The following PAK4 variants were observed in gnomAD, a reference collection of about 807,000 sequenced individuals.
The protein encoded by PAK4 is p21 (RAC1) activated kinase 4.
In PAK4, 49 loss-of-function variants were observed where a neutral mutation model predicts 53.5. The ratio of observed to expected loss-of-function variants is 0.92; its 90% CI spans 0.73 to 1.16. PAK4 has a LOEUF of 1.16. Among genes scored for constraint, PAK4 ranks in the 50% most tolerant of loss-of-function variants. PAK4 has a pLI of 0.00. For synonymous variants in PAK4, 376 were observed against 375.6 expected (o/e 1.00, Z -0.01); for missense variants, 824 against 850.7 (o/e 0.97, Z 0.39).
chr19:39,173,381 C>G lies in PAK4; in HGVS notation c.663+5C>G. 6.6e-7 allele frequency: 1 copy of G among 1,517,822 alleles called. No homozygotes were observed. The highest frequency in any genetic ancestry group is 1.4e-5 in the African/African-American group (1 of 72,146). The allele number at this position is 1,517,822 out of a possible 1,614,324, so 94.0% of individuals were successfully genotyped here. On this transcript the variant is annotated splice_donor_5th_base_variant and intron_variant, in intron 3 of 8. Transcript: ENST00000358301. This position sits in a 1 kb window ranked among gnomAD's most constrained non-coding sequence, Gnocchi z 6.9. ...CACCCATCCCGGGGTGCCCAGGTAA[C>G]CCATCCCCCGCCCCAGGGCCCCCAC...
At chr19:39,172,059 A>T (rs902167856) in intron 2 of PAK4, among the ~76,000 whole-genome samples, 1 of 152,062 alleles carries the variant, frequency 6.6e-6, no homozygotes, top group Non-Finnish European at 1.5e-5. Context: ...GGGGCCGGGG[A>T]GGGCAGGGGC....
At chr19:39,180,330 A>T (rs2074687396), downstream of PAK4, 1 of 152,326 alleles carries the variant, frequency 6.6e-6, no homozygotes, top group Admixed American at 6.5e-5. Context: ...AAAAAAAAAA[A>T]TGCTAACATT....
At chr19:39,176,747 G>A (rs747368429) in intron 7 of PAK4, 32 bp downstream of exon 8, 57 of 1,601,316 alleles carry the variant, frequency 3.6e-5, no homozygotes, top group Non-Finnish European at 4.5e-5. Flanking sequence ...TTGTCCCGCC[G>A]TGGACAGCGT....
chr19:39,136,946 GA>G (rs1209296039), intron 1 of PAK4, among the ~76,000 whole-genome samples: 1 of 152,204 alleles, frequency 6.6e-6, no homozygotes, highest in African/African-American at 2.4e-5. Context: ...CCCGGCGGGG[GA>G]GTGCAGGGGG....
intron 1 of PAK4, among the ~76,000 whole-genome samples, chr19:39,148,011 G>T (rs1159193449): frequency 1.3e-5 from 2 of 148,154 alleles, no homozygotes; most frequent in African/African-American, 5.0e-5. Flanking sequence ...GAGTACAGTG[G>T]TGTGATCTCG....
In PAK4 at chr19:39,173,019, A is replaced by G. The variant is rs1399043213; in HGVS notation, c.306A>G (p.Arg102=). The G allele has an allele frequency of 2.6e-6, 4 of 1,549,292 alleles. No individual in the cohort carries two copies. Among genetic ancestry groups the G allele is most frequent in the Admixed American group, 2.0e-5 (1 of 50,992 alleles). The change falls in exon 3 of 9, where the codon AGA becomes AGG. Residue 102 remains arginine, a synonymous_variant. Transcript: ENST00000358301. The surrounding 1 kb of genome is among the most constrained non-coding windows in gnomAD (Gnocchi z 6.9). The stretch of plus-strand genomic sequence containing the variant: ...TGACACGCTCCAACTCCCTGCGGAG[A>G]GACAGCCCGCCGCCGCCCGCCCGTG...
intron 1 of PAK4, among the ~76,000 whole-genome samples, chr19:39,155,260 G>A (rs1437649467): frequency 1.3e-5 from 2 of 152,170 alleles, no homozygotes; most frequent in African/African-American, 2.4e-5. Context: ...GTTTTGTGGA[G>A]TTTGTTCAGT....
chr19:39,142,825 C>T (rs1340937469), intron 1 of PAK4, among the ~76,000 whole-genome samples: 1 of 152,230 alleles, frequency 6.6e-6, no homozygotes, highest in Non-Finnish European at 1.5e-5. Context: ...TCCTTCTTGA[C>T]AGCCTGATGG....
chr19:39,144,129 C>T (rs55997058), intron 1 of PAK4, among the ~76,000 whole-genome samples: 8,095 of 87,278 alleles, frequency 0.093, 304 homozygotes, highest in Non-Finnish European at 0.14. Context: ...GACAGACAGA[C>T]AGACAGACAG....
intron 1 of PAK4, among the ~76,000 whole-genome samples, chr19:39,154,867 G>T: frequency 6.6e-6 from 1 of 152,092 alleles, no homozygotes; most frequent in East Asian, 1.9e-4. Flanking sequence ...CCCTAGACCT[G>T]CCCTGCTGTG....
intron 1 of PAK4, among the ~76,000 whole-genome samples, chr19:39,165,945 T>C (rs1176724001): frequency 1.3e-5 from 2 of 152,186 alleles, no homozygotes; most frequent in East Asian, 3.9e-4. Context: ...CGGGGCTTAT[T>C]AATGGCCCCT....
chr19:39,157,004 G>A (rs1021069583), intron 1 of PAK4, among the ~76,000 whole-genome samples: 2 of 152,188 alleles, frequency 1.3e-5, no homozygotes, highest in Non-Finnish European at 2.9e-5. Context: ...CCATGTGTGC[G>A]AGATGGCAGG....
chr19:39,136,786 G>GAC (rs2073823236), intron 1 of PAK4, among the ~76,000 whole-genome samples: 1 of 152,234 alleles, frequency 6.6e-6, no homozygotes, highest in East Asian at 1.9e-4. Flanking sequence ...TGACTGAACT[G>GAC]TAGTAAGCTG....
chr19:39,172,213 C>CT (rs2074493793), intron 2 of PAK4, among the ~76,000 whole-genome samples: 2 of 125,380 alleles, frequency 1.6e-5, no homozygotes, highest in African/African-American at 5.9e-5. Flanking sequence ...CGGAGAGGCC[C>CT]TGGGCGCAGG....
chr19:39,180,911 G>GT (rs1327999312), downstream of PAK4: 3 of 152,192 alleles, frequency 2.0e-5, no homozygotes, highest in Non-Finnish European at 4.4e-5. Flanking sequence ...CACAGCCAGG[G>GT]TGCCCGGCGA....
intron 1 of PAK4, among the ~76,000 whole-genome samples, chr19:39,144,414 A>G (rs751836160): frequency 5.3e-5 from 8 of 152,222 alleles, no homozygotes. Context: ...TCCTGTCTCC[A>G]GCACGGGGCA....
At chr19:39,138,827 T>C (rs2145136970) in intron 1 of PAK4, among the ~76,000 whole-genome samples, 1 of 152,344 alleles carries the variant, frequency 6.6e-6, no homozygotes, top group South Asian at 2.1e-4. Flanking sequence ...GGGAACAGGC[T>C]CTGGGATGCG....
intron 1 of PAK4, among the ~76,000 whole-genome samples, chr19:39,145,686 G>C (rs902722565): frequency 6.6e-6 from 1 of 152,176 alleles, no homozygotes; most frequent in African/African-American, 2.4e-5. Flanking sequence ...CGCTGGTGCC[G>C]CCTGGGGCCT....
At chr19:39,177,717 G>A (rs1170645214) in exon 8 of PAK4, 3 of 1,613,648 alleles carry the variant, frequency 1.9e-6, no homozygotes, top group Non-Finnish European at 2.5e-6. Flanking sequence ...TGAGATGGTG[G>A]ACGGAGAGCC....
Sources: allele counts gnomAD v4.1 joint callset (sites outside exome capture counted in the v4.1 genomes callset), GRCh38; gene constraint gnomAD v4.1.1; non-coding constraint Gnocchi (gnomAD v3.1); transcripts MANE v1.5; gene names NCBI Gene and HGNC (gene_info 2026-07-23, HGNC 2026-07-21).